Variants in MEF2C observed in about 807,000 individuals in gnomAD.
MEF2C encodes myocyte enhancer factor 2C.
MEF2C carries 6 observed loss-of-function variants against 50.5 expected under a neutral mutation model. The ratio of observed to expected loss-of-function variants is 0.12; its 90% CI spans 0.07 to 0.23. The LOEUF (loss-of-function observed/expected upper bound fraction) is 0.23. Among genes scored for constraint, MEF2C ranks in the 10% least tolerant of loss-of-function variants. The probability of loss-of-function intolerance (pLI) is 1.00; values close to 1 mark genes in which losing one functional copy is unlikely to be tolerated. For missense variants in MEF2C, 276 were observed against 605.0 expected, an observed-to-expected ratio of 0.46 and a Z score of 5.70; for synonymous variants, 183 against 228.0, an observed-to-expected ratio of 0.80 and a Z score of 1.78.
chr5:88,769,552 T>C (rs1036934022), intron 3 of MEF2C, among the ~76,000 whole-genome samples: 36 of 152,304 alleles, frequency 2.4e-4, no homozygotes, highest in Admixed American at 2.1e-3. Context: ...AGCAGAGATG[T>C]GAAGTGAAAT....
intron 9 of MEF2C, 80 bp downstream of exon 9, chr5:88,729,138 A>G (rs762100289): frequency 1.3e-6 from 2 of 1,549,890 alleles, no homozygotes; most frequent in Non-Finnish European, 1.8e-6. Flanking sequence ...GCTTCCTAAT[A>G]GAGTAAAAGA....
intron 4 of MEF2C, among the ~76,000 whole-genome samples, chr5:88,759,799 T>TA (rs1777057439): frequency 6.6e-6 from 1 of 152,250 alleles, no homozygotes; most frequent in Non-Finnish European, 1.5e-5. Flanking sequence ...CAGATAGGTA[T>TA]TTATAAGGAT....
Position 88,818,230 on chromosome 5 carries a change from T to C in MEF2C, c.54+5505A>G, listed in dbSNP as rs375672082. ...GAATACGTACAATTATTTGTTAATT[T>C]AAAAAATTTTAAACACAAAAGAAAT... On this transcript the variant is annotated intron_variant, in intron 2 of 10. Coordinates refer to ENST00000504921, the MANE Select transcript of MEF2C (RefSeq NM_002397.5). Among the ~76,000 whole-genome samples the C allele has an allele frequency of 8.5e-5, 13 of 152,110 alleles. 1 individual carries two copies. In the East Asian group the frequency reaches 2.1e-3, roughly 25 times the overall value.
chr5:88,741,502 G>A, intron 6 of MEF2C: 1 of 985,076 alleles, frequency 1.0e-6, no homozygotes, highest in Non-Finnish European at 1.2e-6. Flanking sequence ...CTACTCCTTG[G>A]GCAAAAATTT....
chr5:88,732,625 G>A (rs1306248578), intron 6 of MEF2C: 1 of 152,164 alleles, frequency 6.6e-6, no homozygotes, highest in East Asian at 1.9e-4. Flanking sequence ...AGACTGAAAG[G>A]GTTTTCTTAG....
intron 8 of MEF2C, 110 bp from the exon 9 acceptor site, chr5:88,729,457 G>T: frequency 1.0e-6 from 1 of 1,000,400 alleles, no homozygotes. Flanking sequence ...CAAATCTCAT[G>T]AAATTAATCA....
At chr5:88,788,832 A>G (rs945002661) in intron 3 of MEF2C, among the ~76,000 whole-genome samples, 9 of 152,326 alleles carry the variant, frequency 5.9e-5, no homozygotes, top group African/African-American at 2.2e-4. Flanking sequence ...TATAGGTGCT[A>G]AATATACCAT....
chr5:88,832,298 G>C (rs1418410553), intron 1 of MEF2C, among the ~76,000 whole-genome samples: 1 of 151,884 alleles, frequency 6.6e-6, no homozygotes, highest in Non-Finnish European at 1.5e-5. Flanking sequence ...TGCTTATAAT[G>C]ATCTTTTAAT....
rs1755698442 is a variant in MEF2C at position 88,719,856 on chromosome 5, G to C, written c.*2748C>G. ...AGAGATGACTGGCATCCATTTTCAA[G>C]TGATTCTGTTCTCTTCATGTTCTTA... On this transcript the variant is annotated 3_prime_UTR_variant, in exon 11 of 11. Transcript: ENST00000504921. 1 of 152,144 alleles carries C rather than the reference G, an allele frequency of 6.6e-6. No homozygotes were observed. The highest frequency in any genetic ancestry group is 2.1e-4 in the South Asian group (1 of 4,832). 9.4% of individuals were successfully genotyped at this position (152,144 alleles called of 1,614,324 possible). A position where few individuals can be genotyped will look rare whatever the true frequency, so the allele number is the denominator to read the frequency against.
intron 2 of MEF2C, among the ~76,000 whole-genome samples, chr5:88,816,465 C>CTTTTTTTTTTT (rs70996497): frequency 1.2e-5 from 1 of 86,132 alleles, no homozygotes; most frequent in Non-Finnish European, 2.2e-5. Flanking sequence ...CTGCCTACTG[C>CTTTTTTTTTTT]TTTTTTTTTT....
intron 3 of MEF2C, among the ~76,000 whole-genome samples, chr5:88,774,914 C>T (rs982874569): frequency 1.3e-5 from 2 of 152,208 alleles, no homozygotes; most frequent in Non-Finnish European, 2.9e-5. Flanking sequence ...GCAGTCCTGT[C>T]GTAGTTCTGC....
intron 1 of MEF2C, among the ~76,000 whole-genome samples, chr5:88,899,914 A>C (rs1412753699): frequency 6.6e-6 from 1 of 152,178 alleles, no homozygotes; most frequent in African/African-American, 2.4e-5. Context: ...TGATTATTTT[A>C]GATCAATCCC....
At chr5:88,787,418 TA>T (rs140280770) in intron 3 of MEF2C, among the ~76,000 whole-genome samples, 5,981 of 152,244 alleles carry the variant, frequency 0.039, 181 homozygotes, top group Non-Finnish European at 0.056. Context: ...GACAGCCCCG[TA>T]AGGAGCTCAG....
Position 88,720,601 on chromosome 5 carries a change from C to G in MEF2C, c.*2003G>C, listed in dbSNP as rs913193274. The G allele has an allele frequency of 6.6e-6, 1 of 152,550 alleles. No homozygotes were observed. Among genetic ancestry groups the G allele is most frequent in the Non-Finnish European group, 1.5e-5 (1 of 67,996 alleles). 9.4% of individuals were successfully genotyped at this position (152,550 alleles called of 1,614,324 possible). On this transcript the variant is annotated 3_prime_UTR_variant, in exon 11 of 11. Transcript: ENST00000504921. ...GCAGTGTTGATATTACTGCCTATAT[C>G]TTCTTTGCTGTGTATGTCAATGCAT...
chr5:88,804,017 AAC>A (rs1363231828), intron 3 of MEF2C, among the ~76,000 whole-genome samples: 1 of 152,192 alleles, frequency 6.6e-6, no homozygotes, highest in Admixed American at 6.5e-5. Context: ...CATGTATATT[AAC>A]AGTTTTCATT....
At chr5:88,825,689 G>C in intron 1 of MEF2C, 1 of 926,038 alleles carries the variant, frequency 1.1e-6, no homozygotes, top group Non-Finnish European at 1.3e-6. Flanking sequence ...ACTCAATGGG[G>C]CAACTTTCCT....
At chr5:88,903,865 C>G (rs1302350268) in intron 1 of MEF2C, 1 of 151,536 alleles carries the variant, frequency 6.6e-6, no homozygotes, top group Non-Finnish European at 1.5e-5. Context: ...TTCAAGACAA[C>G]AAAATTAACT....
rs978491338 is a variant in MEF2C at position 88,823,831 on chromosome 5, T to C, written c.-43A>G. ...TCTCTCTCGTCCCTGAAATTATGTA[T>C]TTTTTCCTTCCTTTTCTTTCTCTTT... is the stretch of plus-strand genomic sequence containing the variant. On this transcript the variant is annotated 5_prime_UTR_variant, in exon 2 of 11. Transcript: ENST00000504921. The C allele has an allele frequency of 6.2e-7, 1 of 1,603,168 alleles. No homozygotes were observed. Among genetic ancestry groups the C allele is most frequent in the East Asian group, 2.2e-5 (1 of 44,600 alleles).
At chr5:88,723,035 C>T in intron 10 of MEF2C, 110 bp from the exon 11 acceptor site, 2 of 989,438 alleles carry the variant, frequency 2.0e-6, no homozygotes, top group Non-Finnish European at 2.9e-6. Flanking sequence ...CCAGAGCATG[C>T]CCAGAGTGAA....
Sources: allele counts gnomAD v4.1 joint callset (sites outside exome capture counted in the v4.1 genomes callset), GRCh38; gene constraint gnomAD v4.1.1; transcripts MANE v1.5; gene names NCBI Gene and HGNC (gene_info 2026-07-23, HGNC 2026-07-21).